Variants in RUFY3 observed in about 807,000 individuals in gnomAD.
RUFY3 encodes protein RUFY3.
RUFY3 carries 34 observed loss-of-function variants against 84.0 expected under a neutral mutation model. The ratio of observed to expected loss-of-function variants is 0.40; its 90% CI spans 0.31 to 0.54. The LOEUF (loss-of-function observed/expected upper bound fraction) is 0.54, where lower values mean the gene tolerates loss of function less well. RUFY3 is among the 20% of genes least tolerant of loss of function. The pLI is 0.39. For missense variants in RUFY3, 507 were observed against 736.8 expected, an observed-to-expected ratio of 0.69 and a Z score of 3.61; for synonymous variants, 242 against 252.9, an observed-to-expected ratio of 0.96 and a Z score of 0.41.
chr4:70,789,037 T>G (rs1049470483), intron 11 of RUFY3, 64 bp downstream of exon 11: 85 of 1,570,590 alleles, frequency 5.4e-5, no homozygotes, highest in South Asian at 2.2e-4. Flanking sequence ...CCTCCTCCCA[T>G]CTGATCCTCC....
At chr4:70,707,536 G>A (rs906638963) in intron 1 of RUFY3, among the ~76,000 whole-genome samples, 1 of 152,106 alleles carries the variant, frequency 6.6e-6, no homozygotes, top group Non-Finnish European at 1.5e-5. Flanking sequence ...GTGAGCCGCC[G>A]TGCCCAGGCG....
Position 70,722,449 on chromosome 4 carries a change from C to G in RUFY3, c.-125C>G. ...TTTTTAAACCTCCCCCACCCTTTTC[C>G]TGAAAGCTTTGTTTCAGAGCTTTGT... On this transcript the variant is annotated 5_prime_UTR_variant, in exon 1 of 18. Transcript: ENST00000381006. The G allele has an allele frequency of 7.3e-7, 1 of 1,361,480 alleles. No individual in the cohort carries two copies. Among genetic ancestry groups the G allele is most frequent in the Non-Finnish European group, 9.5e-7 (1 of 1,053,010 alleles). 84.3% of individuals were successfully genotyped at this position (1,361,480 alleles called of 1,614,324 possible).
At chr4:70,748,506 T>C (rs1268671385) in intron 1 of RUFY3, among the ~76,000 whole-genome samples, 1 of 152,234 alleles carries the variant, frequency 6.6e-6, no homozygotes, top group Non-Finnish European at 1.5e-5. Flanking sequence ...GGACAGTGGT[T>C]ATTCCTGGTT....
Position 70,793,866 on chromosome 4 carries a change from C to T in RUFY3, c.1419C>T (p.Asn473=), listed in dbSNP as rs760885773. The stretch of plus-strand genomic sequence containing the variant: ...AACAGGACTTTGGAGACAAGATCAA[C>T]AGTCTGCAGCTGGAAGTCGAGGAGC... ...LFKQDFGDKI[N]SLQLEVEELT... Residue 473 remains asparagine (N), a synonymous_variant, in exon 13 of 18, where the codon AAC becomes AAT. Coordinates refer to ENST00000381006, the MANE Select transcript of RUFY3 (RefSeq NM_001037442.4). The T allele has an allele frequency of 1.2e-6, 2 of 1,614,050 alleles. No homozygotes were observed. The highest frequency in any genetic ancestry group is 1.7e-6 in the Non-Finnish European group (2 of 1,180,006).
At position 70,722,512 on chromosome 4, in the gene RUFY3, T is replaced by C; in HGVS notation, c.-62T>C. 1.4e-6 allele frequency: 2 copies of C among 1,464,476 alleles called. No homozygotes were observed. The highest frequency in any genetic ancestry group is 1.8e-6 in the Non-Finnish European group (2 of 1,094,770). The allele number at this position is 1,464,476 out of a possible 1,614,324, so 90.7% of individuals were successfully genotyped here. A position where few individuals can be genotyped will look rare whatever the true frequency, so the allele number is the denominator to read the frequency against. On this transcript the variant is annotated 5_prime_UTR_variant, in exon 1 of 18. Coordinates refer to ENST00000381006, the MANE Select transcript of RUFY3 (RefSeq NM_001037442.4). ...TGGTGAGGAGGTTGTATTTATTTTT[T>C]TGGTGTGTGTGTGTGAGTGTGTGTG...
chr4:70,728,833 CTT>C (rs1359079460), intron 1 of RUFY3, among the ~76,000 whole-genome samples: 1 of 150,046 alleles, frequency 6.7e-6, no homozygotes, highest in African/African-American at 2.5e-5. Flanking sequence ...TTAAATAAGA[CTT>C]TTTTCCGATT....
chr4:70,771,699 T>A (rs1184269445), intron 5 of RUFY3, among the ~76,000 whole-genome samples: 1 of 151,992 alleles, frequency 6.6e-6, no homozygotes. Flanking sequence ...ACCCAGCTAA[T>A]TTTTTTGTTT....
intron 1 of RUFY3, among the ~76,000 whole-genome samples, chr4:70,758,246 C>T (rs73824886): frequency 0.07 from 10,689 of 152,208 alleles, 586 homozygotes; most frequent in East Asian, 0.2. Context: ...AATCATTTTA[C>T]ACTTGAATAG....
Position 70,765,983 on chromosome 4 carries a change from G to A in RUFY3, c.572+1407G>A, listed in dbSNP as rs530101370. Among the ~76,000 whole-genome samples, 620 of 151,896 alleles carry A rather than the reference G, an allele frequency of 4.1e-3. 4 individuals carry two copies. Among genetic ancestry groups the A allele is most frequent in the Non-Finnish European group, 5.1e-3 (345 of 67,934 alleles). ...TCACCGTGTTGGCCAGGATGGTCTCGATCTCTTGATCTCGTGATCCACCCA... is the reference window on the plus strand; with the variant it reads ...TCACCGTGTTGGCCAGGATGGTCTCAATCTCTTGATCTCGTGATCCACCCA... On this transcript the variant is annotated intron_variant, in intron 4 of 17. Transcript: ENST00000381006.
At chr4:70,799,755 A>G (rs1266034630) in intron 14 of RUFY3, 6 of 182,790 alleles carry the variant, frequency 3.3e-5, no homozygotes, top group Non-Finnish European at 6.6e-5. Context: ...CCAGAGGATT[A>G]TAGTCTGCTG....
chr4:70,705,276 A>AGCG, exon 1 of RUFY3: 1 of 1,429,820 alleles, frequency 7.0e-7, no homozygotes, highest in Non-Finnish European at 9.1e-7. Flanking sequence ...CGGCGGCAGC[A>AGCG]GCGGCAGCGG....
intron 7 of RUFY3, among the ~76,000 whole-genome samples, chr4:70,775,641 G>C (rs1391830863): frequency 1.3e-5 from 2 of 152,082 alleles, no homozygotes; most frequent in East Asian, 1.9e-4. Context: ...CATTACATTA[G>C]TACCTTTAAA....
At chr4:70,757,829 C>T (rs1560503910) in intron 1 of RUFY3, among the ~76,000 whole-genome samples, 1 of 152,048 alleles carries the variant, frequency 6.6e-6, no homozygotes, top group East Asian at 1.9e-4. Flanking sequence ...CAATATCTAA[C>T]ACATAGTAGA....
At chr4:70,703,975 TGTC>T (rs1439055979), upstream of RUFY3, 1 of 152,212 alleles carries the variant, frequency 6.6e-6, no homozygotes, top group Non-Finnish European at 1.5e-5. Context: ...AACTGGAAAT[TGTC>T]TTTATTGCCG....
At chr4:70,775,147 A>G (rs191424140) in intron 6 of RUFY3, 21 bp from the exon 7 acceptor site, 3 of 1,563,850 alleles carry the variant, frequency 1.9e-6, no homozygotes, top group African/African-American at 1.4e-5. Flanking sequence ...TTTTATTTCT[A>G]TTTTCTTCCC....
At chr4:70,765,463 A>G (rs1725726451) in intron 4 of RUFY3, among the ~76,000 whole-genome samples, 1 of 152,132 alleles carries the variant, frequency 6.6e-6, no homozygotes, top group South Asian at 2.1e-4. Context: ...CCTGATCATG[A>G]TAGTGATTAC....
intron 4 of RUFY3, among the ~76,000 whole-genome samples, chr4:70,767,136 A>G (rs941445448): frequency 1.9e-4 from 29 of 151,640 alleles, no homozygotes; most frequent in Non-Finnish European, 2.9e-4. Context: ...CCCAGGCTGG[A>G]GTGCAGTGGC....
chr4:70,760,126 C>A (rs1394588121), intron 1 of RUFY3, among the ~76,000 whole-genome samples: 4 of 152,100 alleles, frequency 2.6e-5, no homozygotes, highest in Admixed American at 2.0e-4. Context: ...AAATTTAATT[C>A]CCATAGACGC....
chr4:70,793,174 C>T, intron 12 of RUFY3: 1 of 985,966 alleles, frequency 1.0e-6, no homozygotes, highest in Non-Finnish European at 1.2e-6. Context: ...CACTTAGTCA[C>T]ACATCTTTTG....
Sources: gnomAD v4.1 joint callset for allele counts (sites outside exome capture counted in the v4.1 genomes callset) on GRCh38, gnomAD v4.1.1 for gene constraint, MANE v1.5 for transcripts, NCBI Gene and HGNC (gene_info 2026-07-23, HGNC 2026-07-21) for gene names.